Variants in WAC observed in about 807,000 individuals in gnomAD.
The protein encoded by WAC is WW domain-containing adapter protein with coiled-coil.
A neutral mutation model predicts 79.6 loss-of-function variants in WAC; 11 were observed. That is an observed-to-expected ratio of 0.14 (90% CI 0.09 to 0.23). The LOEUF is 0.23. WAC is among the 10% of genes least tolerant of loss of function. The pLI is 1.00. For missense variants in WAC, 728 were observed against 773.5 expected (o/e 0.94, Z 0.70); for synonymous variants, 304 against 276.9 (o/e 1.10, Z -0.97).
chr10:28,576,499 A>G (rs1185581668), intron 3 of WAC, among the ~76,000 whole-genome samples: 2 of 152,332 alleles, frequency 1.3e-5, no homozygotes, highest in South Asian at 2.1e-4. Flanking sequence ...CAAGTAGTGA[A>G]CATTTTGATA....
intron 3 of WAC, among the ~76,000 whole-genome samples, chr10:28,547,275 C>T (rs1350886610): frequency 6.6e-6 from 1 of 152,154 alleles, no homozygotes; most frequent in East Asian, 1.9e-4. Flanking sequence ...TGGCTCACCC[C>T]TGTAATCCCA....
At chr10:28,557,841 G>T (rs1030718698) in intron 3 of WAC, among the ~76,000 whole-genome samples, 7 of 152,150 alleles carry the variant, frequency 4.6e-5, no homozygotes, top group Admixed American at 2.6e-4. Flanking sequence ...TTCAGAGGCC[G>T]AGGTGGGTGG....
chr10:28,556,388 ATTT>A (rs764934182), intron 3 of WAC, among the ~76,000 whole-genome samples: 66 of 55,084 alleles, frequency 1.2e-3, no homozygotes, highest in African/African-American at 3.5e-3. Context: ...TGCCCATTAA[ATTT>A]TTTTTTTTTT....
At chr10:28,590,195 C>G (rs1039844762) in intron 5 of WAC, among the ~76,000 whole-genome samples, 6 of 151,606 alleles carry the variant, frequency 4.0e-5, no homozygotes, top group African/African-American at 1.5e-4. Flanking sequence ...CACTTGTAGT[C>G]CTAGCTACTA....
rs142581705 is a variant in WAC at position 28,607,121 on chromosome 10, C to T, written c.920-1065C>T. On this transcript the variant is annotated intron_variant, in intron 7 of 13. Coordinates refer to ENST00000354911, the MANE Select transcript of WAC (RefSeq NM_016628.5). ...CTATTGGGCAGTTTGTCTATTTTGACGTATAGAAATTCTTTAAATAGTCTG... is the reference window on the plus strand; with the variant it reads ...CTATTGGGCAGTTTGTCTATTTTGATGTATAGAAATTCTTTAAATAGTCTG... Among the ~76,000 whole-genome samples the T allele has an allele frequency of 2.8e-3, 430 of 152,150 alleles. 2 individuals are homozygous for T. Among genetic ancestry groups the T allele is most frequent in the African/African-American group, 9.6e-3 (398 of 41,548 alleles).
chr10:28,613,523 T>G (rs1191130209), intron 10 of WAC, among the ~76,000 whole-genome samples: 1 of 152,206 alleles, frequency 6.6e-6, no homozygotes, highest in African/African-American at 2.4e-5. Flanking sequence ...AAAAATCCTT[T>G]AAGCAGGTAG....
At chr10:28,595,294 T>G (rs1296014470) in intron 6 of WAC, among the ~76,000 whole-genome samples, 1 of 152,250 alleles carries the variant, frequency 6.6e-6, no homozygotes, top group East Asian at 1.9e-4. Flanking sequence ...CCTTTGCAGT[T>G]GAACCACTGT....
intron 7 of WAC, among the ~76,000 whole-genome samples, chr10:28,598,322 G>A (rs938418099): frequency 6.6e-6 from 1 of 152,058 alleles, no homozygotes; most frequent in African/African-American, 2.4e-5. Flanking sequence ...TTGCAAACTT[G>A]GACATTTGTT....
At chr10:28,575,975 T>C (rs1839225212) in intron 3 of WAC, among the ~76,000 whole-genome samples, 1 of 152,244 alleles carries the variant, frequency 6.6e-6, no homozygotes, top group African/African-American at 2.4e-5. Context: ...TATAGTTGCC[T>C]ACAGTCTTCA....
intron 3 of WAC, among the ~76,000 whole-genome samples, chr10:28,541,945 C>T (rs928347596): frequency 1.3e-5 from 2 of 152,136 alleles, no homozygotes; most frequent in African/African-American, 4.8e-5. Flanking sequence ...AAATGCCAGT[C>T]ACCTCACATC....
intron 3 of WAC, among the ~76,000 whole-genome samples, chr10:28,540,714 C>T (rs1361145366): frequency 1.3e-5 from 2 of 152,176 alleles, no homozygotes; most frequent in Non-Finnish European, 2.9e-5. Flanking sequence ...AATAGTGACA[C>T]ATGACCTTTT....
At chr10:28,541,951 A>T (rs1442380960) in intron 3 of WAC, among the ~76,000 whole-genome samples, 5 of 152,084 alleles carry the variant, frequency 3.3e-5, no homozygotes, top group Admixed American at 6.5e-5. Flanking sequence ...CAGTCACCTC[A>T]CATCTCTCTC....
Position 28,620,538 on chromosome 10 carries a change from CAA to C in WAC, c.*936_*937del, listed in dbSNP as rs796555395. 34 of 152,740 alleles carry C rather than the reference CAA, an allele frequency of 2.2e-4. 1 individual carries two copies. The highest frequency in any genetic ancestry group is 7.9e-4 in the African/African-American group (33 of 41,580). The allele number at this position is 152,740 out of a possible 1,614,324, so 9.5% of individuals were successfully genotyped here. ...GTTGTAATAAACATGTTAAAACAAA[CAA>C]AAATTGTTATTTTTCTTTTCCTTCG... On this transcript the variant is annotated 3_prime_UTR_variant, in exon 14 of 14. Transcript: ENST00000354911.
At chr10:28,548,632 T>C (rs185392355) in intron 3 of WAC, among the ~76,000 whole-genome samples, 10 of 152,348 alleles carry the variant, frequency 6.6e-5, no homozygotes, top group Admixed American at 5.2e-4. Context: ...TTTTTAGTTT[T>C]TTTCATGTTA....
chr10:28,560,159 TAGTG>T (rs1177548350), intron 3 of WAC, among the ~76,000 whole-genome samples: 3 of 151,962 alleles, frequency 2.0e-5, no homozygotes, highest in Non-Finnish European at 4.4e-5. Flanking sequence ...CTAGGCAACA[TAGTG>T]AGACTCTGTT....
At chr10:28,578,896 A>C (rs866233053) in intron 3 of WAC, among the ~76,000 whole-genome samples, 6 of 152,256 alleles carry the variant, frequency 3.9e-5, no homozygotes, top group South Asian at 4.2e-4. Flanking sequence ...ATGTTGTTAC[A>C]TCTCCATTTT....
At chr10:28,615,957 T>G (rs1403604481) in intron 11 of WAC, 2 of 429,856 alleles carry the variant, frequency 4.7e-6, no homozygotes, top group African/African-American at 4.0e-5. Context: ...CATTTGACTC[T>G]GACAGTAGTG....
chr10:28,550,317 A>G (rs1554779505), intron 3 of WAC, among the ~76,000 whole-genome samples: 1 of 147,430 alleles, frequency 6.8e-6, no homozygotes, highest in Non-Finnish European at 1.5e-5. Flanking sequence ...CTGTTGTCCC[A>G]TTGTATGTGT....
At chr10:28,602,309 TTTG>T (rs1840683068) in intron 7 of WAC, among the ~76,000 whole-genome samples, 1 of 152,248 alleles carries the variant, frequency 6.6e-6, no homozygotes, top group African/African-American at 2.4e-5. Context: ...GAATACTTTC[TTTG>T]TTGTAAAACA....
Sources: gnomAD v4.1 joint callset for allele counts (sites outside exome capture counted in the v4.1 genomes callset) on GRCh38, gnomAD v4.1.1 for gene constraint, MANE v1.5 for transcripts, NCBI Gene and HGNC (gene_info 2026-07-23, HGNC 2026-07-21) for gene names.